DIDO1: variants seen among roughly 807,000 people sequenced by gnomAD.
The protein encoded by DIDO1 is death inducer-obliterator 1, also known as death-inducer obliterator 1.
In DIDO1, 16 loss-of-function variants were observed where a neutral mutation model predicts 99.4. The ratio of observed to expected loss-of-function variants is 0.16; its 90% CI spans 0.11 to 0.24. DIDO1 has a LOEUF of 0.24. DIDO1 is among the 10% of genes least tolerant of loss of function. The pLI, the probability that DIDO1 is intolerant of heterozygous loss-of-function variation, is 1.00. For synonymous variants in DIDO1, 1,366 were observed against 1,239.1 expected, an observed-to-expected ratio of 1.10 and a Z score of -2.15; for missense variants, 2,996 against 3,014.0, an observed-to-expected ratio of 0.99 and a Z score of 0.14.
intron 1 of DIDO1, among the ~76,000 whole-genome samples, chr20:62,918,492 C>A (rs1292776166): frequency 3.3e-5 from 5 of 152,234 alleles, no homozygotes; most frequent in African/African-American, 1.2e-4. Context: ...TAATTAATCT[C>A]CAAGACACTT....
rs371484665 is a variant in DIDO1, at chr20:62,894,491, C to T, written c.2494G>A (p.Val832Ile). ...GTGTCTTTCAACATGCTGCTGAAGACGTCGAGAAGCGGCGCTGTGCTCTTC... is the reference window on the plus strand; with the variant it reads ...GTGTCTTTCAACATGCTGCTGAAGATGTCGAGAAGCGGCGCTGTGCTCTTC... ...PEKSTAPLLD[V>I]FSSMLKDTTS... The change falls in exon 11 of 16, where the codon GTC (valine) becomes ATC (isoleucine). Residue 832 changes from valine (V) to isoleucine (I), a missense_variant. Around this residue, in one of 5 missense-constraint regions of DIDO1, gnomAD observed 898 missense variants for 972.7 expected, o/e 0.92. Transcript: ENST00000395343. The surrounding 1 kb of genome is among the most constrained non-coding windows in gnomAD (Gnocchi z 4.4). The T allele has an allele frequency of 2.5e-5, 40 of 1,613,264 alleles. No individual in the cohort carries two copies. The highest frequency in any genetic ancestry group is 2.5e-4 in the East Asian group (11 of 44,894).
chr20:62,913,319 G>A lies in DIDO1; in HGVS notation c.-3+891C>T, dbSNP rs552822072. The stretch of plus-strand genomic sequence containing the variant: ...GGCACCAGCAGCGACTCCAAGTCAG[G>A]GTGCAAACTCTGGAGGCTGCTGTGT... On this transcript the variant is annotated intron_variant, in intron 2 of 15. Transcript: ENST00000395343. 2.0e-5 allele frequency among the ~76,000 whole-genome samples: 3 copies of A among 150,478 alleles called. No homozygotes were observed. The South Asian group carries it at 6.3e-4, about 32-fold the overall frequency.
Position 62,894,607 on chromosome 20 carries a change from T to C in DIDO1, c.2437-59A>G. 6.3e-7 allele frequency: 1 copy of C among 1,578,758 alleles called. No homozygotes were observed. The highest frequency in any genetic ancestry group is 1.4e-5 in the African/African-American group (1 of 73,928). On this transcript the variant is annotated intron_variant, in intron 10 of 15. Coordinates refer to ENST00000395343, the MANE Select transcript of DIDO1 (RefSeq NM_001193369.2). The surrounding 1 kb of genome is among the most constrained non-coding windows in gnomAD (Gnocchi z 4.4). ...TTCTTCTCCAAACTCAGCTCCAAAT[T>C]AACCACACACAAGAAAAGCAGTCTC... is the stretch of plus-strand genomic sequence containing the variant.
At chr20:62,890,247 G>C in intron 15 of DIDO1, 1 of 985,954 alleles carries the variant, frequency 1.0e-6, no homozygotes. Flanking sequence ...CACTTCAGTT[G>C]GGCATCAGAT....
Position 62,881,600 on chromosome 20 carries a change from C to G in DIDO1, c.4356G>C (p.Val1452=). The G allele has an allele frequency of 1.2e-6, 2 of 1,612,192 alleles. No individual in the cohort carries two copies. ...DDLPNRMCAD[V]RRNSVERPAE... ...CAGGCCTCTCCACGGAGTTCCTTCT[C>G]ACGTCGGCACACATCCTGTTGGGCA... The change falls in exon 16 of 16, where the codon GTG becomes GTC. Residue 1452 remains valine (V), a synonymous_variant. Transcript: ENST00000395343. This position sits in a 1 kb window ranked among gnomAD's most constrained non-coding sequence, Gnocchi z 8.3.
At chr20:62,884,394 G>C (rs942187081) in intron 15 of DIDO1, among the ~76,000 whole-genome samples, 1 of 152,142 alleles carries the variant, frequency 6.6e-6, no homozygotes, top group Non-Finnish European at 1.5e-5. Flanking sequence ...ACGTTTCAGC[G>C]GCAGCGACGT....
chr20:62,905,854 G>A (rs2064790605), intron 6 of DIDO1, 33 bp downstream of exon 6: 11 of 1,613,952 alleles, frequency 6.8e-6, no homozygotes, highest in Non-Finnish European at 9.3e-6. Context: ...GAACGGGAGG[G>A]GTCCAGGAGG....
rs1179555867 is a variant in DIDO1 at position 62,896,032 on chromosome 20, A to C, written c.2214+201T>G. ...GAAGCCAGGAAGCGGACGCGACCCT[A>C]GTTAAGGCAGGGAAGGGAAGGGGTT... On this transcript the variant is annotated intron_variant, in intron 8 of 15. Coordinates refer to ENST00000395343, the MANE Select transcript of DIDO1 (RefSeq NM_001193369.2). This position sits in a 1 kb window ranked among gnomAD's most constrained non-coding sequence, Gnocchi z 4.4. 6.6e-6 allele frequency among the ~76,000 whole-genome samples: 1 copy of C among 152,170 alleles called. No individual in the cohort carries two copies. Among genetic ancestry groups the C allele is most frequent in the African/African-American group, 2.4e-5 (1 of 41,444 alleles).
At chr20:62,892,154 C>T in intron 13 of DIDO1, 78 bp from the exon 14 acceptor site, 7 of 1,181,092 alleles carry the variant, frequency 5.9e-6, no homozygotes, top group Non-Finnish European at 8.5e-6. Flanking sequence ...TGTGAAGGCA[C>T]ACACTACCCA....
At chr20:62,891,450 T>C (rs2064396468) in intron 14 of DIDO1, among the ~76,000 whole-genome samples, 1 of 152,042 alleles carries the variant, frequency 6.6e-6, no homozygotes, top group South Asian at 2.1e-4. Flanking sequence ...GACGACAGGG[T>C]CTAGCCCTTT....
chr20:62,894,699 G>T lies in DIDO1; in HGVS notation c.2436+111C>A. On this transcript the variant is annotated intron_variant, in intron 10 of 15. Coordinates refer to ENST00000395343, the MANE Select transcript of DIDO1 (RefSeq NM_001193369.2). This position sits in a 1 kb window ranked among gnomAD's most constrained non-coding sequence, Gnocchi z 4.4. ...TACAAGGACTGAGGAATGCCACAAT[G>T]ACATACACCTGCTGTAAGCTCAGGT... The T allele has an allele frequency of 7.1e-7, 1 of 1,404,452 alleles. No individual in the cohort carries two copies. Among genetic ancestry groups the T allele is most frequent in the Non-Finnish European group, 9.6e-7 (1 of 1,037,290 alleles). The allele number at this position is 1,404,452 out of a possible 1,614,324, so 87.0% of individuals were successfully genotyped here.
In DIDO1 at chr20:62,881,240, C is replaced by G. The variant is rs769655849; in HGVS notation, c.4716G>C (p.Glu1572Asp). 1 of 1,601,686 alleles carries G rather than the reference C, an allele frequency of 6.2e-7. No homozygotes were observed. The highest frequency in any genetic ancestry group is 8.5e-7 in the Non-Finnish European group (1 of 1,177,012). ...GCCTGGAGAGAGGCTCCCCCTCCCC[C>G]TCACCGGTCTCAGTGGCCAGGCGCC... The part of the protein sequence containing the change: ...QARRLATETG[E>D]GEGEPLSRLS... The change falls in exon 16 of 16, where the codon GAG (glutamate) becomes GAC (aspartate). Residue 1572 changes from glutamate (E) to aspartate (D), a missense_variant. By Grantham distance (45) the Glu-to-Asp change is conservative. This residue lies in a region of DIDO1 where 1,562 missense variants were observed against 1,412.6 expected (regional missense o/e 1.11). Transcript: ENST00000395343. This position sits in a 1 kb window ranked among gnomAD's most constrained non-coding sequence, Gnocchi z 8.3.
Position 62,896,670 on chromosome 20 carries a change from T to C in DIDO1, c.1915A>G (p.Arg639Gly), listed in dbSNP as rs2064532639. ...PGSAALVGAVRKPVVPSVPMA... is the reference protein window; with the variant it reads ...PGSAALVGAVGKPVVPSVPMA... ...GGAACAGAAGGTACCACTGGCTTCC[T>C]TACGGCTCCCACCAAAGCAGCGGAG... Residue 639 changes from arginine (R) to glycine (G), a missense_variant, in exon 7 of 16, where the codon AGG becomes GGG. Coordinates refer to ENST00000395343, the MANE Select transcript of DIDO1 (RefSeq NM_001193369.2). This position sits in a 1 kb window ranked among gnomAD's most constrained non-coding sequence, Gnocchi z 4.4. 6 of 1,614,078 alleles carry C rather than the reference T, an allele frequency of 3.7e-6. No individual in the cohort carries two copies. Among genetic ancestry groups the C allele is most frequent in the Non-Finnish European group, 5.1e-6 (6 of 1,180,014 alleles).
rs534636744 is a variant in DIDO1, at chr20:62,887,853, G to A, written c.3541+3107C>T. ...ACATCTAGGTGGAGAAGGTCACCTG[G>A]AACCAGGCCTCCCAGCTGCCCCCCA... On this transcript the variant is annotated intron_variant, in intron 15 of 15. Transcript: ENST00000395343. 109 of 985,502 alleles carry A rather than the reference G, an allele frequency of 1.1e-4. No homozygotes were observed. In the African/African-American group the frequency reaches 1.8e-3, roughly 17 times the overall value. 61.0% of individuals were successfully genotyped at this position (985,502 alleles called of 1,614,324 possible). A position where few individuals can be genotyped will look rare whatever the true frequency, so the allele number is the denominator to read the frequency against.
intron 5 of DIDO1, 129 bp from the exon 6 acceptor site, chr20:62,906,229 G>A: frequency 1.6e-6 from 2 of 1,234,310 alleles, no homozygotes; most frequent in Non-Finnish European, 1.1e-6. Flanking sequence ...CACCCATCCT[G>A]CGCCTGCTTG....
At chr20:62,898,487 ACT>A (rs1455975422) in intron 6 of DIDO1, among the ~76,000 whole-genome samples, 11 of 152,256 alleles carry the variant, frequency 7.2e-5, no homozygotes, top group Admixed American at 7.2e-4. Flanking sequence ...CAATGGTGTC[ACT>A]GTTAACAGAT....
chr20:62,913,917 C>T (rs2147521155), intron 2 of DIDO1, among the ~76,000 whole-genome samples: 2 of 152,354 alleles, frequency 1.3e-5, no homozygotes, highest in East Asian at 3.9e-4. Context: ...CTCTAGATTA[C>T]ATCATAGAAA....
At chr20:62,891,246 G>C (rs1568838855) in intron 14 of DIDO1, 91 bp from the exon 15 acceptor site, 5 of 1,566,920 alleles carry the variant, frequency 3.2e-6, no homozygotes, top group Non-Finnish European at 4.3e-6. Flanking sequence ...AGGAAACCTT[G>C]TCAGATCTCT....
Position 62,881,564 on chromosome 20 carries a change from C to A in DIDO1, c.4392G>T (p.Val1464=). The A allele has an allele frequency of 6.2e-7, 1 of 1,611,406 alleles. No homozygotes were observed. The highest frequency in any genetic ancestry group is 1.1e-5 in the South Asian group (1 of 91,078). ...CCAGGGAGGGCGTCGCAGCCCCGGCCACCGGCTCGGCAGGCCTCTCCACGG... is the reference window on the plus strand; with the variant it reads ...CCAGGGAGGGCGTCGCAGCCCCGGCAACCGGCTCGGCAGGCCTCTCCACGG... The part of the protein sequence containing the change: ...RNSVERPAEP[V]AGAATPSLVE... Residue 1464 remains valine, a synonymous_variant, in exon 16 of 16, where the codon GTG becomes GTT. Transcript: ENST00000395343. This position sits in a 1 kb window ranked among gnomAD's most constrained non-coding sequence, Gnocchi z 8.3.
Sources: gnomAD v4.1 joint callset for allele counts (sites outside exome capture counted in the v4.1 genomes callset) on GRCh38, gnomAD v4.1.1 for gene constraint, gnomAD v4.1.1 regional missense constraint, Gnocchi (gnomAD v3.1) non-coding constraint, MANE v1.5 for transcripts, NCBI Gene and HGNC (gene_info 2026-07-23, HGNC 2026-07-21) for gene names.